The following SIM2 variants were observed in gnomAD, a reference collection of about 807,000 sequenced individuals.
SIM2 encodes SIM bHLH transcription factor 2, also known as single-minded homolog 2.
A neutral mutation model predicts 64.8 loss-of-function variants in SIM2; 28 were observed. The observed-to-expected ratio is 0.43, with a 90% confidence interval of 0.32 to 0.59. The LOEUF (loss-of-function observed/expected upper bound fraction) is 0.59. SIM2 is among the 20% of genes least tolerant of loss of function. SIM2 has a pLI of 0.07. For missense variants in SIM2, 847 were observed against 871.4 expected, an observed-to-expected ratio of 0.97 and a Z score of 0.35; for synonymous variants, 408 against 391.1, an observed-to-expected ratio of 1.04 and a Z score of -0.51.
At chr21:36,736,847 TTTCTTTCTTTCTTTTTC>T (rs1568938376) in intron 7 of SIM2, among the ~76,000 whole-genome samples, 7 of 25,492 alleles carry the variant, frequency 2.7e-4, no homozygotes, top group South Asian at 1.4e-3. Context: ...TTCTCTTTCT[TTTCTTTCTTTCTTTTTC>T]TTTCTTTCTT....
intron 2 of SIM2, chr21:36,709,706 C>G (rs1008243117): frequency 3.0e-6 from 1 of 331,798 alleles, no homozygotes; most frequent in East Asian, 9.7e-5. Flanking sequence ...ATCAATAATA[C>G]AATATTAACA....
chr21:36,699,437 A>C lies in SIM2; in HGVS notation c.-310A>C. Reference sequence around the variant, plus strand: ...CCCCACCCCCCAGGAAGGCCGAGGCAGGAGAGGCAGGAGGGAGGAAACAGG... The same window carrying C: ...CCCCACCCCCCAGGAAGGCCGAGGCCGGAGAGGCAGGAGGGAGGAAACAGG... On this transcript the variant is annotated 5_prime_UTR_variant, in exon 1 of 11. Coordinates refer to ENST00000290399, the MANE Select transcript of SIM2 (RefSeq NM_005069.6). The surrounding 1 kb of genome is among the most constrained non-coding windows in gnomAD (Gnocchi z 5.6). 1.6e-5 allele frequency: 3 copies of C among 188,056 alleles called. No individual in the cohort carries two copies. Among genetic ancestry groups the C allele is most frequent in the East Asian group, 1.4e-4 (1 of 7,176 alleles). 11.6% of individuals were successfully genotyped at this position (188,056 alleles called of 1,614,324 possible). A position where few individuals can be genotyped will look rare whatever the true frequency, so the allele number is the denominator to read the frequency against.
rs1402779763 is a variant in SIM2, at chr21:36,745,746, A to G, written c.1576+610A>G. 7.7e-7 allele frequency: 1 copy of G among 1,299,662 alleles called. No individual in the cohort carries two copies. The highest frequency in any genetic ancestry group is 5.6e-5 in the East Asian group (1 of 17,836). The allele number at this position is 1,299,662 out of a possible 1,614,324, so 80.5% of individuals were successfully genotyped here. ...CACACAGTAGGGACCTGCCCTGTAC[A>G]TGCTAGTTCAACAGAAAGGAATGGC... On this transcript the variant is annotated intron_variant, in intron 10 of 10. Coordinates refer to ENST00000290399, the MANE Select transcript of SIM2 (RefSeq NM_005069.6). This position sits in a 1 kb window ranked among gnomAD's most constrained non-coding sequence, Gnocchi z 4.8.
chr21:36,744,815 C>G lies in SIM2; in HGVS notation c.1255C>G (p.Pro419Ala). 1 of 1,614,196 alleles carries G rather than the reference C, an allele frequency of 6.2e-7. No homozygotes were observed. The highest frequency in any genetic ancestry group is 8.5e-7 in the Non-Finnish European group (1 of 1,180,028). The change falls in exon 10 of 11, where the codon CCA (proline) becomes GCA (alanine). Residue 419 changes from proline to alanine, a missense_variant. Physicochemically the swap from Pro to Ala is conservative, Grantham distance 27. Coordinates refer to ENST00000290399, the MANE Select transcript of SIM2 (RefSeq NM_005069.6). Reference sequence around the variant, plus strand: ...TCCCCCTGCAAGCGCTGCTGCTCCTCCAGAACTGCAGCCCCACTCAGAAAG... The same window carrying G: ...TCCCCCTGCAAGCGCTGCTGCTCCTGCAGAACTGCAGCCCCACTCAGAAAG... ...ASPPASAAAP[P>A]ELQPHSESSD...
chr21:36,725,993 GGCCGCAC>G (rs1481771768), intron 5 of SIM2, 119 bp from the exon 6 acceptor site: 35 of 734,272 alleles, frequency 4.8e-5, no homozygotes, highest in Non-Finnish European at 7.7e-5. Context: ...CAGCACATTG[GGCCGCAC>G]AGTGGAGTAG....
chr21:36,722,990 G>C, intron 4 of SIM2, 55 bp from the exon 5 acceptor site: 2 of 1,391,476 alleles, frequency 1.4e-6, no homozygotes, highest in Non-Finnish European at 2.0e-6. Flanking sequence ...GTTGGAATAA[G>C]GATGGGGGAA....
At position 36,719,841 on chromosome 21, in the gene SIM2, T is replaced by C. The variant is rs1229837199; in HGVS notation, c.369T>C (p.Ser123=). The change falls in exon 4 of 11, where the codon AGT becomes AGC. Residue 123 remains serine (S), a synonymous_variant. Coordinates refer to ENST00000290399, the MANE Select transcript of SIM2 (RefSeq NM_005069.6). The part of the protein sequence containing the change: ...GLSQVELTGN[S]IYEYIHPSDH... ...GGCAGGTGGAGCTCACGGGCAACAG[T>C]ATTTATGAATACATCCATCCTTCTG... The C allele has an allele frequency of 1.9e-6, 3 of 1,611,898 alleles. No individual in the cohort carries two copies. The highest frequency in any genetic ancestry group is 2.5e-6 in the Non-Finnish European group (3 of 1,178,448).
In SIM2 at chr21:36,718,597, C is replaced by T. The variant is rs193118508; in HGVS notation, c.349-1224C>T. Among the ~76,000 whole-genome samples, 32 of 152,326 alleles carry T rather than the reference C, an allele frequency of 2.1e-4. No homozygotes were observed. The East Asian group carries it at 3.5e-3, about 17-fold the overall frequency. Reference sequence around the variant, plus strand: ...CCCAAGATCCTTCGCCACCCAAGGACGGTTTCCCACATGCTTTGAGTTTCT... The same window carrying T: ...CCCAAGATCCTTCGCCACCCAAGGATGGTTTCCCACATGCTTTGAGTTTCT... On this transcript the variant is annotated intron_variant, in intron 3 of 10. Coordinates refer to ENST00000290399, the MANE Select transcript of SIM2 (RefSeq NM_005069.6).
At chr21:36,746,752 A>T (rs2089231791) in intron 10 of SIM2, among the ~76,000 whole-genome samples, 1 of 152,214 alleles carries the variant, frequency 6.6e-6, no homozygotes, top group Non-Finnish European at 1.5e-5. Flanking sequence ...GATCTCCAGA[A>T]CATCCAAGCA....
chr21:36,741,777 G>A lies in SIM2; in HGVS notation c.911G>A (p.Trp304Ter), dbSNP rs776659612. 6.2e-7 allele frequency: 1 copy of A among 1,613,138 alleles called. No individual in the cohort carries two copies. Among genetic ancestry groups the A allele is most frequent in the Non-Finnish European group, 8.5e-7 (1 of 1,179,904 alleles). The change falls in exon 8 of 11, where the codon TGG becomes TAG. Residue 304 changes from tryptophan (W) to a stop codon, truncating the protein, a stop_gained. Transcript: ENST00000290399. LOFTEE classifies it high-confidence loss of function. ...CGGCTGCTGTCCAAGCGGGGCGGCT[G>A]GGTGTGGGTGCAGAGCTACGCCACC... ...YYRLLSKRGG[W>*]VWVQSYATVV...
chr21:36,719,449 A>T (rs1343583035), intron 3 of SIM2, among the ~76,000 whole-genome samples: 1 of 152,232 alleles, frequency 6.6e-6, no homozygotes, highest in East Asian at 1.9e-4. Flanking sequence ...CAAGGGAAGG[A>T]CAGAGACCCT....
chr21:36,718,932 A>G (rs1315350621), intron 3 of SIM2, among the ~76,000 whole-genome samples: 1 of 152,172 alleles, frequency 6.6e-6, no homozygotes, highest in Middle Eastern at 3.2e-3. Flanking sequence ...CAAGTTCGGG[A>G]ATTTGGGCCT....
intron 2 of SIM2, chr21:36,710,556 C>T (rs2088660915): frequency 6.6e-6 from 1 of 152,004 alleles, no homozygotes; most frequent in African/African-American, 2.4e-5. Context: ...CTACCGAGAG[C>T]TGCTCTGCAT....
In SIM2 at chr21:36,745,928, A is replaced by C; in HGVS notation, c.1576+792A>C. The stretch of plus-strand genomic sequence containing the variant: ...GTTTAGCTGCAGGACATGTATTCCC[A>C]TTGCACCGAGACCTAACTGCCGCTC... On this transcript the variant is annotated intron_variant, in intron 10 of 10. Coordinates refer to ENST00000290399, the MANE Select transcript of SIM2 (RefSeq NM_005069.6). This position sits in a 1 kb window ranked among gnomAD's most constrained non-coding sequence, Gnocchi z 4.8. 1.6e-6 allele frequency: 2 copies of C among 1,264,186 alleles called. No individual in the cohort carries two copies. Among genetic ancestry groups the C allele is most frequent in the Admixed American group, 2.4e-5 (1 of 42,434 alleles). The allele number at this position is 1,264,186 out of a possible 1,614,324, so 78.3% of individuals were successfully genotyped here.
chr21:36,704,539 G>A (rs1429547959), intron 1 of SIM2, among the ~76,000 whole-genome samples: 1 of 152,222 alleles, frequency 6.6e-6, no homozygotes, highest in Admixed American at 6.5e-5. Context: ...CGTTGCAGGC[G>A]AGGAAGTGGA....
chr21:36,711,428 C>T (rs2088675762), intron 2 of SIM2, among the ~76,000 whole-genome samples: 1 of 152,216 alleles, frequency 6.6e-6, no homozygotes. Context: ...TCAACCTTAG[C>T]ATCGGGGAAG....
Position 36,709,260 on chromosome 21 carries a change from CCT to C in SIM2, c.258+12_258+13del. ...ATCGCACTTGCTGCAGGTAGAGCGGCCTCGCCGGGGGAGGAGCGCAGCCGCCG... is the reference window on the plus strand; with the variant it reads ...ATCGCACTTGCTGCAGGTAGAGCGGCCGCCGGGGGAGGAGCGCAGCCGCCG... On this transcript the variant is annotated intron_variant, in intron 2 of 10. Transcript: ENST00000290399. 6.3e-7 allele frequency: 1 copy of C among 1,587,098 alleles called. No homozygotes were observed. Among genetic ancestry groups the C allele is most frequent in the Non-Finnish European group, 8.6e-7 (1 of 1,167,530 alleles).
rs772718689 is a variant in SIM2 at position 36,726,335 on chromosome 21, C to T, written c.743+17C>T. On this transcript the variant is annotated intron_variant, in intron 6 of 10. Coordinates refer to ENST00000290399, the MANE Select transcript of SIM2 (RefSeq NM_005069.6). The surrounding 1 kb of genome is among the most constrained non-coding windows in gnomAD (Gnocchi z 4.5). ...GGATTCCAGGTGAGTTCGGCACCTG[C>T]CACAGTGGCTGTGGCCTTCTGGAAG... 3.7e-6 allele frequency: 6 copies of T among 1,604,684 alleles called. No individual in the cohort carries two copies. The African/African-American group carries it at 8.0e-5, about 21-fold the overall frequency.
chr21:36,715,533 G>A (rs931746996), intron 3 of SIM2, among the ~76,000 whole-genome samples: 3 of 152,146 alleles, frequency 2.0e-5, no homozygotes, highest in East Asian at 1.9e-4. Context: ...GATGAATAAC[G>A]ATAGTAGTAA....
Sources: allele counts gnomAD v4.1 joint callset (sites outside exome capture counted in the v4.1 genomes callset), GRCh38; gene constraint gnomAD v4.1.1; non-coding constraint Gnocchi (gnomAD v3.1); transcripts MANE v1.5; gene names NCBI Gene and HGNC (gene_info 2026-07-23, HGNC 2026-07-21).